CDH13: variants seen among roughly 807,000 people sequenced by gnomAD.
CDH13 encodes cadherin-13.
CDH13 carries 24 observed loss-of-function variants against 63.8 expected under a neutral mutation model. That is an observed-to-expected ratio of 0.38 (90% CI 0.27 to 0.53). The LOEUF (loss-of-function observed/expected upper bound fraction) is 0.53. Among genes scored for constraint, CDH13 ranks in the 20% least tolerant of loss-of-function variants. The probability of loss-of-function intolerance (pLI) is 0.85; values close to 1 mark genes in which losing one functional copy is unlikely to be tolerated. For synonymous variants in CDH13, 503 were observed against 355.3 expected (o/e 1.42, Z -4.67); for missense variants, 1,049 against 903.1 (o/e 1.16, Z -2.07).
chr16:83,368,883 GTTATATAT>G (rs1181013321), intron 6 of CDH13, among the ~76,000 whole-genome samples: 31 of 25,332 alleles, frequency 1.2e-3, no homozygotes, highest in African/African-American at 3.2e-3. Context: ...AGTATTCCAT[GTTATATAT>G]ATATATATAT....
At chr16:83,327,116 G>T (rs559841953) in intron 5 of CDH13, among the ~76,000 whole-genome samples, 2 of 152,262 alleles carry the variant, frequency 1.3e-5, no homozygotes, top group East Asian at 3.9e-4. Flanking sequence ...GGGACAGATG[G>T]AATCACTTCA....
intron 3 of CDH13, among the ~76,000 whole-genome samples, chr16:83,032,469 C>A (rs773242301): frequency 6.6e-6 from 1 of 152,084 alleles, no homozygotes; most frequent in Non-Finnish European, 1.5e-5. Flanking sequence ...TGCCTTCAGG[C>A]GTGGCTGAAG....
chr16:83,602,682 G>A, intron 8 of CDH13, 88 bp downstream of exon 8: 2 of 1,354,124 alleles, frequency 1.5e-6, no homozygotes, highest in African/African-American at 1.4e-5. Context: ...AGCACCTGCT[G>A]GCCCCCCTTT....
chr16:83,541,196 C>A (rs1026164707), intron 7 of CDH13, among the ~76,000 whole-genome samples: 2 of 152,152 alleles, frequency 1.3e-5, no homozygotes, highest in African/African-American at 4.8e-5. Flanking sequence ...ATGCATCTAA[C>A]CCTGCTGCCT....
intron 2 of CDH13, among the ~76,000 whole-genome samples, chr16:82,918,735 C>G (rs2042068692): frequency 1.3e-5 from 2 of 152,002 alleles, no homozygotes; most frequent in African/African-American, 4.8e-5. Flanking sequence ...TCTTGAATTC[C>G]TGACCTCAGG....
In CDH13 at chr16:82,949,708, A is replaced by C. The variant is rs1309311501; in HGVS notation, c.158-82302A>C. 3.3e-5 allele frequency among the ~76,000 whole-genome samples: 5 copies of C among 152,296 alleles called. No individual in the cohort carries two copies. The East Asian group carries it at 7.7e-4, about 24-fold the overall frequency. On this transcript the variant is annotated intron_variant, in intron 2 of 13. Transcript: ENST00000567109. ...TTTTTTATAGCAAATTGTTTTTCTC[A>C]ACACATTCTGTCTGGAAAAGAATGT...
chr16:83,185,389 C>G (rs887164583), intron 4 of CDH13, among the ~76,000 whole-genome samples: 1 of 152,130 alleles, frequency 6.6e-6, no homozygotes, highest in Admixed American at 6.5e-5. Context: ...CAGTAAGTTT[C>G]TGTGTTGCTG....
chr16:82,874,063 G>A (rs201396258), intron 2 of CDH13, among the ~76,000 whole-genome samples: 1 of 151,718 alleles, frequency 6.6e-6, no homozygotes, highest in Non-Finnish European at 1.5e-5. Flanking sequence ...TGCACACATT[G>A]TATTACACGA....
chr16:82,703,481 T>C (rs1036543016), intron 1 of CDH13, among the ~76,000 whole-genome samples: 14 of 152,098 alleles, frequency 9.2e-5, no homozygotes, highest in African/African-American at 3.4e-4. Context: ...CCTTGCCCCT[T>C]TGGAGATGTA....
intron 6 of CDH13, among the ~76,000 whole-genome samples, chr16:83,415,037 A>G (rs557103009): frequency 6.6e-6 from 1 of 152,254 alleles, no homozygotes; most frequent in East Asian, 1.9e-4. Flanking sequence ...AAGGGGAAAA[A>G]AGAGAGAAGA....
chr16:83,424,749 G>T (rs554118373), intron 6 of CDH13, among the ~76,000 whole-genome samples: 1 of 152,264 alleles, frequency 6.6e-6, no homozygotes, highest in African/African-American at 2.4e-5. Context: ...TCTCTCGACT[G>T]TAGTTATTTC....
At chr16:83,313,843 C>A (rs964245260) in intron 5 of CDH13, among the ~76,000 whole-genome samples, 1 of 152,124 alleles carries the variant, frequency 6.6e-6, no homozygotes. Context: ...ATAAACTGAT[C>A]CTGTCTTAAT....
At chr16:82,892,283 T>C (rs2041106867) in intron 2 of CDH13, among the ~76,000 whole-genome samples, 2 of 152,216 alleles carry the variant, frequency 1.3e-5, no homozygotes, top group Admixed American at 6.5e-5. Context: ...TTGCTTTTGT[T>C]ATTATTACTT....
rs768850718 is a variant in CDH13, at chr16:83,332,136, A to G, written c.637-12726A>G. The stretch of plus-strand genomic sequence containing the variant: ...ATTTTATAAATTGTTACAATATATA[A>G]CATGCTATAAATATATGTGATGCAA... On this transcript the variant is annotated intron_variant, in intron 5 of 13. Transcript: ENST00000567109. 1.6e-4 allele frequency among the ~76,000 whole-genome samples: 24 copies of G among 152,260 alleles called. 1 individual carries two copies. The highest frequency in any genetic ancestry group is 4.1e-4 in the South Asian group (2 of 4,824).
At chr16:83,780,888 C>T (rs1420096465) in intron 12 of CDH13, among the ~76,000 whole-genome samples, 2 of 152,190 alleles carry the variant, frequency 1.3e-5, no homozygotes, top group Admixed American at 6.6e-5. Flanking sequence ...TAACTTTCAC[C>T]AGCGCATTGG....
In CDH13 at chr16:83,795,941, C is replaced by T. The variant is rs1048614; in HGVS notation, c.*911C>T. The T allele has an allele frequency of 5.2e-5, 8 of 152,676 alleles. No homozygotes were observed. The highest frequency in any genetic ancestry group is 1.9e-4 in the African/African-American group (8 of 41,478). The allele number at this position is 152,676 out of a possible 1,614,324, so 9.5% of individuals were successfully genotyped here. ...CCTGTCATCATGGAGGTCATACATG[C>T]ATACAAAGAGGTGTACAGGTACCAT... On this transcript the variant is annotated 3_prime_UTR_variant, in exon 14 of 14. Coordinates refer to ENST00000567109, the MANE Select transcript of CDH13 (RefSeq NM_001257.5).
At chr16:83,792,283 G>T (rs991990063) in intron 13 of CDH13, among the ~76,000 whole-genome samples, 1 of 152,216 alleles carries the variant, frequency 6.6e-6, no homozygotes, top group Non-Finnish European at 1.5e-5. Context: ...TGCACCTTGC[G>T]CATGCAAGCT....
rs573394959 is a variant in CDH13 at position 83,387,642 on chromosome 16, T to G, written c.781+42636T>G. Reference sequence around the variant, plus strand: ...TATCTTCTTGTGTTGCTTTGATAAGTTTTTCTTGCAAATCTCTAGAAGTTT... The same window carrying G: ...TATCTTCTTGTGTTGCTTTGATAAGGTTTTCTTGCAAATCTCTAGAAGTTT... On this transcript the variant is annotated intron_variant, in intron 6 of 13. Coordinates refer to ENST00000567109, the MANE Select transcript of CDH13 (RefSeq NM_001257.5). Among the ~76,000 whole-genome samples the G allele has an allele frequency of 1.8e-3, 275 of 152,306 alleles. 1 individual carries two copies. Among genetic ancestry groups the G allele is most frequent in the African/African-American group, 6.2e-3 (258 of 41,574 alleles).
chr16:83,581,033 T>C (rs923388851), intron 7 of CDH13, among the ~76,000 whole-genome samples: 1 of 152,242 alleles, frequency 6.6e-6, no homozygotes, highest in Non-Finnish European at 1.5e-5. Flanking sequence ...CTGTTTATTT[T>C]TAAAATGCTT....
Sources: gnomAD v4.1 joint callset for allele counts (sites outside exome capture counted in the v4.1 genomes callset) on GRCh38, gnomAD v4.1.1 for gene constraint, MANE v1.5 for transcripts, NCBI Gene and HGNC (gene_info 2026-07-23, HGNC 2026-07-21) for gene names.